ROBO2: variants seen among roughly 807,000 people sequenced by gnomAD.
ROBO2 encodes roundabout homolog 2.
ROBO2 carries 53 observed loss-of-function variants against 160.8 expected under a neutral mutation model. The observed-to-expected ratio is 0.33, with a 90% CI of 0.26 to 0.41. The LOEUF is 0.41. Ranked by LOEUF, ROBO2 falls within the 10% of genes least tolerant of loss-of-function variation. ROBO2 has a pLI of 1.00. For missense variants in ROBO2, 1,577 were observed against 1,722.4 expected (o/e 0.92, Z 1.49); for synonymous variants, 664 against 611.7 (o/e 1.09, Z -1.26).
At chr3:76,739,492 A>AG (rs1394419655) in intron 2 of ROBO2, among the ~76,000 whole-genome samples, 2 of 67,386 alleles carry the variant, frequency 3.0e-5, no homozygotes, top group East Asian at 4.5e-4. Flanking sequence ...GGGTTGGGGG[A>AG]GGGGGGAGGG....
chr3:76,512,892 G>A (rs375136886), intron 2 of ROBO2, among the ~76,000 whole-genome samples: 2 of 152,090 alleles, frequency 1.3e-5, no homozygotes, highest in Admixed American at 6.5e-5. Flanking sequence ...TCCTCAACCC[G>A]TATGTGCTAA....
chr3:77,504,677 A>G (rs1037358707), intron 5 of ROBO2, among the ~76,000 whole-genome samples: 11 of 152,224 alleles, frequency 7.2e-5, no homozygotes, highest in Non-Finnish European at 1.5e-4. Flanking sequence ...GTCAAATATT[A>G]TATATCAAGA....
intron 1 of ROBO2, among the ~76,000 whole-genome samples, chr3:77,071,875 A>G (rs1477102101): frequency 6.6e-6 from 1 of 152,068 alleles, no homozygotes; most frequent in Non-Finnish European, 1.5e-5. Context: ...ATTCCTCACA[A>G]GTAACAGTCA....
In ROBO2 at chr3:76,979,593, GGT is replaced by G. The variant is rs149940820; in HGVS notation, c.110-118401_110-118400del. 9.2e-4 allele frequency among the ~76,000 whole-genome samples: 136 copies of G among 147,562 alleles called. 1 individual carries two copies. The South Asian group carries it at 9.6e-3, about 10-fold the overall frequency. ...GGTATTGGGGTGTATGTGTGTGTGTGGTGTGTGTGTGTGTGTGTGTGCGCAGG... is the reference window on the plus strand; with the variant it reads ...GGTATTGGGGTGTATGTGTGTGTGTGGTGTGTGTGTGTGTGTGTGCGCAGG... On this transcript the variant is annotated intron_variant, in intron 2 of 26. Transcript: ENST00000487694.
chr3:77,027,738 C>T (rs1430008326), intron 2 of ROBO2, among the ~76,000 whole-genome samples: 2 of 152,080 alleles, frequency 1.3e-5, no homozygotes, highest in Non-Finnish European at 2.9e-5. Context: ...AGCCAAGCAC[C>T]TGTACTGCTC....
At chr3:77,122,047 T>C (rs1158674149) in intron 2 of ROBO2, among the ~76,000 whole-genome samples, 1 of 152,190 alleles carries the variant, frequency 6.6e-6, no homozygotes, top group African/African-American at 2.4e-5. Context: ...GGATATTTTT[T>C]CCACTTCACA....
intron 2 of ROBO2, among the ~76,000 whole-genome samples, chr3:77,172,257 G>A (rs2079709700): frequency 6.6e-6 from 1 of 152,136 alleles, no homozygotes; most frequent in East Asian, 1.9e-4. Context: ...AATGCCTAAT[G>A]AGGATTACTT....
intron 2 of ROBO2, among the ~76,000 whole-genome samples, chr3:76,279,841 T>C (rs984547949): frequency 6.6e-6 from 1 of 151,942 alleles, no homozygotes; most frequent in Non-Finnish European, 1.5e-5. Context: ...TGATCCCTAA[T>C]ATAGCATCCT....
intron 2 of ROBO2, among the ~76,000 whole-genome samples, chr3:76,657,910 A>G (rs1412021363): frequency 1.3e-5 from 2 of 148,790 alleles, no homozygotes; most frequent in African/African-American, 2.5e-5. Flanking sequence ...GTGTGTATCT[A>G]TATGAACATT....
intron 2 of ROBO2, among the ~76,000 whole-genome samples, chr3:76,913,460 T>C (rs73102473): frequency 0.12 from 18,888 of 152,248 alleles, 2,241 homozygotes; most frequent in African/African-American, 0.31. Flanking sequence ...TATGTGTGTA[T>C]GTTTTTGTGA....
chr3:76,273,581 A>C lies in ROBO2; in HGVS notation c.109+335979A>C, dbSNP rs1254804413. Among the ~76,000 whole-genome samples the C allele has an allele frequency of 2.6e-5, 4 of 152,266 alleles. No homozygotes were observed. In the East Asian group the frequency reaches 7.7e-4, roughly 29 times the overall value. On this transcript the variant is annotated intron_variant, in intron 2 of 26. Coordinates refer to the ROBO2 transcript ENST00000487694. ...CGTCATTCTTCACATGATGGCAGGC[A>C]GAGAAGTGCCGAGCAAAAGTGGGGA...
chr3:76,872,882 A>G (rs1348193166), intron 2 of ROBO2, among the ~76,000 whole-genome samples: 5 of 151,046 alleles, frequency 3.3e-5, no homozygotes, highest in African/African-American at 7.3e-5. Flanking sequence ...GCTAGGGAGG[A>G]AAAAAAAATC....
intron 2 of ROBO2, among the ~76,000 whole-genome samples, chr3:76,243,095 C>A (rs1433968201): frequency 3.3e-5 from 5 of 152,174 alleles, no homozygotes; most frequent in African/African-American, 1.2e-4. Flanking sequence ...CAGGGGGTTT[C>A]TCATTCCTTT....
chr3:77,617,852 C>T, intron 22 of ROBO2, 79 bp downstream of exon 23: 1 of 1,442,860 alleles, frequency 6.9e-7, no homozygotes, highest in Middle Eastern at 2.4e-4. Context: ...ACAAGAGATT[C>T]TGATAGAACT....
At chr3:77,499,048 C>T (rs76722263) in intron 5 of ROBO2, among the ~76,000 whole-genome samples, 4,735 of 152,156 alleles carry the variant, frequency 0.031, 240 homozygotes, top group African/African-American at 0.11. Flanking sequence ...ATGTCTTATC[C>T]ATGTCTGTCT....
chr3:76,898,903 G>A (rs1462636752), intron 2 of ROBO2, among the ~76,000 whole-genome samples: 1 of 152,098 alleles, frequency 6.6e-6, no homozygotes, highest in Non-Finnish European at 1.5e-5. Flanking sequence ...TATTATATTT[G>A]CGTTATGTGC....
intron 2 of ROBO2, among the ~76,000 whole-genome samples, chr3:76,502,883 A>G (rs1439799124): frequency 6.6e-6 from 1 of 152,174 alleles, no homozygotes; most frequent in African/African-American, 2.4e-5. Flanking sequence ...AAAAATGTAG[A>G]TGATTTATTG....
At chr3:76,510,713 A>T (rs2081044228) in intron 2 of ROBO2, among the ~76,000 whole-genome samples, 1 of 152,104 alleles carries the variant, frequency 6.6e-6, no homozygotes, top group African/African-American at 2.4e-5. Context: ...ACAGAGCAAG[A>T]CTCTGTCTCA....
intron 2 of ROBO2, among the ~76,000 whole-genome samples, chr3:76,371,758 C>A (rs2076113842): frequency 6.6e-6 from 1 of 151,884 alleles, no homozygotes; most frequent in Admixed American, 6.6e-5. Context: ...ACCATATCAA[C>A]TTGTTTCACT....
Sources: allele counts gnomAD v4.1 joint callset (sites outside exome capture counted in the v4.1 genomes callset), GRCh38; gene constraint gnomAD v4.1.1; transcripts MANE v1.5; gene names NCBI Gene and HGNC (gene_info 2026-07-23, HGNC 2026-07-21).